Variants in PHF24 observed in about 807,000 individuals in gnomAD.
PHF24 encodes PHD finger protein 24, also known as Galpha inhibitory interacting protein.
PHF24 carries 25 observed loss-of-function variants against 42.6 expected under a neutral mutation model. The ratio of observed to expected loss-of-function variants is 0.59; its 90% confidence interval spans 0.43 to 0.82. The LOEUF (loss-of-function observed/expected upper bound fraction) is 0.82. PHF24 is among the 40% of genes least tolerant of loss of function. The pLI is 0.00. For synonymous variants in PHF24, 185 were observed against 204.8 expected (o/e 0.90, Z 0.83); for missense variants, 470 against 538.1 (o/e 0.87, Z 1.25).
At chr9:34,867,249 T>TG in the PHF24 span, among the ~76,000 whole-genome samples, 1 of 152,254 alleles carries the variant, frequency 6.6e-6, no homozygotes, top group African/African-American at 2.4e-5. Flanking sequence ...CCCTGTTCTC[T>TG]GCACTAGGTC....
chr9:34,965,832 A>G (rs1387337125), intron 1 of PHF24, among the ~76,000 whole-genome samples: 1 of 152,254 alleles, frequency 6.6e-6, no homozygotes, highest in African/African-American at 2.4e-5. Flanking sequence ...AGCCAAAAAC[A>G]AAGGCATACC....
chr9:34,951,457 T>C, the PHF24 span, among the ~76,000 whole-genome samples: 1 of 152,176 alleles, frequency 6.6e-6, no homozygotes, highest in African/African-American at 2.4e-5. Context: ...AAGAACAAGA[T>C]GTAACAATAG....
At chr9:34,873,027 C>A in the PHF24 span, among the ~76,000 whole-genome samples, 11 of 150,308 alleles carry the variant, frequency 7.3e-5, no homozygotes, top group African/African-American at 2.7e-4. Context: ...TGTTCATGTC[C>A]TTTGCCCACT....
intron 1 of PHF24, among the ~76,000 whole-genome samples, chr9:34,969,251 A>G (rs952716577): frequency 3.3e-5 from 5 of 152,222 alleles, no homozygotes; most frequent in African/African-American, 7.2e-5. Context: ...TCCCAGGGAC[A>G]TCTTTAATTC....
the PHF24 span, among the ~76,000 whole-genome samples, chr9:34,702,716 T>C: frequency 1.3e-5 from 2 of 152,270 alleles, no homozygotes; most frequent in South Asian, 4.1e-4. Context: ...AGGATGAGGC[T>C]GGAGGACCCC....
chr9:34,696,956 C>T, the PHF24 span, among the ~76,000 whole-genome samples: 11 of 152,294 alleles, frequency 7.2e-5, no homozygotes, highest in Non-Finnish European at 1.6e-4. Context: ...GGATATGCTC[C>T]AAGAGCAAGA....
chr9:34,693,288 T>C, the PHF24 span, among the ~76,000 whole-genome samples: 1 of 152,168 alleles, frequency 6.6e-6, no homozygotes, highest in Non-Finnish European at 1.5e-5. Flanking sequence ...TTACTTAGGG[T>C]CACCTGCTTT....
chr9:34,701,624 C>T, the PHF24 span, among the ~76,000 whole-genome samples: 2 of 152,082 alleles, frequency 1.3e-5, no homozygotes, highest in African/African-American at 2.4e-5. This position sits in a 1 kb window ranked among gnomAD's most constrained non-coding sequence, Gnocchi z 5.8. Flanking sequence ...CTGGCCCCGC[C>T]GTCCCTGGGG....
At chr9:34,957,009 C>T (rs904916139), upstream of PHF24, among the ~76,000 whole-genome samples, 1 of 152,220 alleles carries the variant, frequency 6.6e-6, no homozygotes, top group East Asian at 1.9e-4. Flanking sequence ...TGTTTAACCT[C>T]TCTTTGCCTC....
chr9:34,816,017 A>G, the PHF24 span, among the ~76,000 whole-genome samples: 1 of 152,194 alleles, frequency 6.6e-6, no homozygotes, highest in African/African-American at 2.4e-5. Context: ...TGACATAAAA[A>G]ATGAGGGGGT....
chr9:34,677,192 T>C, the PHF24 span, among the ~76,000 whole-genome samples: 1 of 152,198 alleles, frequency 6.6e-6, no homozygotes, highest in African/African-American at 2.4e-5. Context: ...CTTGCCCTTA[T>C]GCTTCAAATA....
intron 6 of PHF24, 28 bp downstream of exon 6, chr9:34,977,271 AC>A (rs776727555): frequency 6.4e-7 from 1 of 1,556,912 alleles, no homozygotes; most frequent in Non-Finnish European, 8.7e-7. Context: ...CCTGGTCCCC[AC>A]TCAGCCTCTC....
chr9:34,935,593 G>GA, the PHF24 span, among the ~76,000 whole-genome samples: 257 of 122,588 alleles, frequency 2.1e-3, 14 homozygotes, highest in South Asian at 6.2e-3. Context: ...GACTTCATCT[G>GA]AAAAAAAAAA....
chr9:34,665,636 C>T, the PHF24 span: 1 of 701,432 alleles, frequency 1.4e-6, no homozygotes, highest in South Asian at 1.5e-5. Context: ...CCAGCGCCAC[C>T]TCGTATCTCC....
chr9:34,842,000 C>T, the PHF24 span, among the ~76,000 whole-genome samples: 2 of 152,182 alleles, frequency 1.3e-5, no homozygotes, highest in Non-Finnish European at 2.9e-5. Context: ...CCTTTCATTT[C>T]CTCTCTCTTC....
the PHF24 span, among the ~76,000 whole-genome samples, chr9:34,704,691 C>A: frequency 2.6e-5 from 4 of 151,978 alleles, no homozygotes; most frequent in Non-Finnish European, 5.9e-5. Context: ...ACAAAATTAG[C>A]TGGGTGTGGT....
At chr9:34,725,242 T>TGTCCATCCCCA in the PHF24 span, 1 of 1,415,628 alleles carries the variant, frequency 7.1e-7, no homozygotes, top group Non-Finnish European at 9.7e-7. Flanking sequence ...TTAACAAGTG[T>TGTCCATCCCCA]GGCCTGGGGA....
the PHF24 span, among the ~76,000 whole-genome samples, chr9:34,732,052 A>G: frequency 7.0e-6 from 1 of 142,878 alleles, no homozygotes. Flanking sequence ...TGTAGAGATG[A>G]GGTCTCACTT....
the PHF24 span, among the ~76,000 whole-genome samples, chr9:34,668,006 T>C: frequency 6.6e-6 from 1 of 152,130 alleles, no homozygotes; most frequent in African/African-American, 2.4e-5. Flanking sequence ...CCCCGACTCA[T>C]AGGACAAAGT....
Sources: gnomAD v4.1 joint callset for allele counts (sites outside exome capture counted in the v4.1 genomes callset) on GRCh38, gnomAD v4.1.1 for gene constraint, Gnocchi (gnomAD v3.1) non-coding constraint, MANE v1.5 for transcripts, NCBI Gene and HGNC (gene_info 2026-07-23, HGNC 2026-07-21) for gene names.